Variants in HAS1 observed in about 807,000 individuals in gnomAD.
The protein encoded by HAS1 is HA synthase 1.
Under a neutral mutation model 35.0 loss-of-function variants are expected in HAS1, and 27 were observed. The observed-to-expected ratio is 0.77, with a 90% CI of 0.57 to 1.06. The LOEUF (loss-of-function observed/expected upper bound fraction) is 1.06. Among genes scored for constraint, HAS1 ranks in the 50% least tolerant of loss-of-function variants. The probability of loss-of-function intolerance (pLI) is 0.00; values close to 1 mark genes in which losing one functional copy is unlikely to be tolerated. For synonymous variants in HAS1, 409 were observed against 371.2 expected, an observed-to-expected ratio of 1.10 and a Z score of -1.17; for missense variants, 940 against 814.8, an observed-to-expected ratio of 1.15 and a Z score of -1.87.
At chr19:51,714,139 C>T (rs1489521112) in intron 4 of HAS1, 37 bp from the exon 5 acceptor site, 2 of 1,588,182 alleles carry the variant, frequency 1.3e-6, no homozygotes, top group Non-Finnish European at 1.7e-6. Flanking sequence ...TCATCGCGTG[C>T]TCCCTGGGGC....
chr19:51,717,147 A>G lies in HAS1; in HGVS notation c.746T>C (p.Leu249Pro). 6.2e-7 allele frequency: 1 copy of G among 1,613,902 alleles called. No individual in the cohort carries two copies. The highest frequency in any genetic ancestry group is 1.3e-5 in the African/African-American group (1 of 75,012). ...TRLDPMALLE[L>P]VRVLDEDPRV... Reference sequence around the variant, plus strand: ...GGGGTCCTCGTCCAGTACCCGCACGAGCTCCAGCAGTGCCATGGGGTCCAA... The same window carrying G: ...GGGGTCCTCGTCCAGTACCCGCACGGGCTCCAGCAGTGCCATGGGGTCCAA... The change falls in exon 3 of 5, where the codon CTC becomes CCC. Residue 249 changes from leucine (L) to proline (P), a missense_variant. Physicochemically the swap from Leu to Pro is moderately conservative, Grantham distance 98. Transcript: ENST00000540069.
At position 51,719,387 on chromosome 19, in the gene HAS1, G is replaced by T; in HGVS notation, c.518C>A (p.Ala173Glu). The change falls in exon 2 of 5, where the codon GCG becomes GAG. Residue 173 changes from alanine to glutamate, a missense_variant. Physicochemically the swap from Ala to Glu is moderately radical, Grantham distance 107. Transcript: ENST00000540069. ...GNYHQPWEPA[A>E]AGAVGAGAYR... ...GGCTCCGGCGCCCACCGCGCCCGCCGCCGCGGGTTCCCAGGGCTGGTGGTA... is the reference window on the plus strand; with the variant it reads ...GGCTCCGGCGCCCACCGCGCCCGCCTCCGCGGGTTCCCAGGGCTGGTGGTA... The T allele has an allele frequency of 6.3e-7, 1 of 1,582,002 alleles. No homozygotes were observed. The highest frequency in any genetic ancestry group is 8.6e-7 in the Non-Finnish European group (1 of 1,163,708).
chr19:51,716,030 T>C (rs2122253287), intron 4 of HAS1, among the ~76,000 whole-genome samples: 1 of 152,300 alleles, frequency 6.6e-6, no homozygotes, highest in South Asian at 2.1e-4. Flanking sequence ...TTGTCCCTTA[T>C]AGTATCTTCC....
chr19:51,721,361 A>C (rs1418220377), intron 1 of HAS1, among the ~76,000 whole-genome samples: 1 of 152,172 alleles, frequency 6.6e-6, no homozygotes, highest in South Asian at 2.1e-4. Flanking sequence ...CCAACTCCCC[A>C]GCAGAGCCAG....
At chr19:51,718,981 T>C (rs899864681) in intron 2 of HAS1, among the ~76,000 whole-genome samples, 41 of 152,240 alleles carry the variant, frequency 2.7e-4, no homozygotes, top group African/African-American at 8.4e-4. Context: ...TGCCTCTACA[T>C]TGAATGGGTA....
At chr19:51,721,245 G>C (rs2083629802) in intron 1 of HAS1, among the ~76,000 whole-genome samples, 1 of 151,994 alleles carries the variant, frequency 6.6e-6, no homozygotes, top group African/African-American at 2.4e-5. Flanking sequence ...CCAAACTGAG[G>C]ACTGATTGGC....
chr19:51,714,071 T>C lies in HAS1; in HGVS notation c.1090A>G (p.Thr364Ala). Reference protein sequence around the residue: ...YTSRSRCYSETPSSFLRWLSQ... With the variant: ...YTSRSRCYSEAPSSFLRWLSQ... ...AGCCACCGCAGGAAGGACGAGGGCG[T>C]CTCTGAGTAGCAGCGGGACCTGGAG... The change falls in exon 5 of 5, where the codon ACG (threonine) becomes GCG (alanine). Residue 364 changes from threonine to alanine, a missense_variant. Coordinates refer to ENST00000540069, the MANE Select transcript of HAS1 (RefSeq NM_001297436.2). 2 of 1,613,342 alleles carry C rather than the reference T, an allele frequency of 1.2e-6. No homozygotes were observed. The highest frequency in any genetic ancestry group is 1.7e-6 in the Non-Finnish European group (2 of 1,179,754).
At position 51,719,760 on chromosome 19, in the gene HAS1, G is replaced by C; in HGVS notation, c.145C>G (p.Arg49Gly). 6.4e-7 allele frequency: 1 copy of C among 1,565,958 alleles called. No individual in the cohort carries two copies. The highest frequency in any genetic ancestry group is 8.6e-7 in the Non-Finnish European group (1 of 1,159,994). The part of the protein sequence containing the change: ...YAAGVPLASD[R>G]YGLLAFGLYG... ...AGGCCGAAGGCCAGGAGGCCGTAGC[G>C]ATCGGAGGCCAGCGGCACCCCGGCG... The change falls in exon 2 of 5, where the codon CGC becomes GGC. Residue 49 changes from arginine (R) to glycine (G), a missense_variant. Physicochemically the swap from Arg to Gly is moderately radical, Grantham distance 125 (BLOSUM62 -2). Transcript: ENST00000540069.
chr19:51,715,428 C>A (rs4802850), intron 4 of HAS1, among the ~76,000 whole-genome samples: 2 of 151,906 alleles, frequency 1.3e-5, no homozygotes, highest in African/African-American at 2.4e-5. Context: ...ACTTCACCCC[C>A]AACCCCAAAA....
chr19:51,722,098 G>C (rs1279762561), intron 1 of HAS1, among the ~76,000 whole-genome samples: 2 of 152,142 alleles, frequency 1.3e-5, no homozygotes, highest in Non-Finnish European at 2.9e-5. Context: ...CTGCCTCAAG[G>C]CTTACTGTGG....
chr19:51,721,268 C>A (rs940947651), intron 1 of HAS1, among the ~76,000 whole-genome samples: 36 of 152,126 alleles, frequency 2.4e-4, no homozygotes, highest in African/African-American at 8.7e-4. Flanking sequence ...GAAGGAGTGG[C>A]TTGCACAAGA....
chr19:51,720,858 G>A (rs1005281223), intron 1 of HAS1, among the ~76,000 whole-genome samples: 1 of 152,068 alleles, frequency 6.6e-6, no homozygotes, highest in Non-Finnish European at 1.5e-5. Flanking sequence ...TTAATTACTA[G>A]GGCGTTTCCC....
In HAS1 at chr19:51,719,753, C is replaced by A; in HGVS notation, c.152G>T (p.Gly51Val). 3 of 1,566,138 alleles carry A rather than the reference C, an allele frequency of 1.9e-6. No homozygotes were observed. The highest frequency in any genetic ancestry group is 1.8e-5 in the Admixed American group (1 of 54,090). Residue 51 changes from glycine (G) to valine (V), a missense_variant, in exon 2 of 5, where the codon GGC (glycine) becomes GTC (valine). Gly to Val is a moderately radical substitution (Grantham distance 109). Transcript: ENST00000540069. The stretch of plus-strand genomic sequence containing the variant: ...CCCGTAGAGGCCGAAGGCCAGGAGG[C>A]CGTAGCGATCGGAGGCCAGCGGCAC... The part of the protein sequence containing the change: ...AGVPLASDRY[G>V]LLAFGLYGAF...
rs1007382478 is a variant in HAS1 at position 51,715,653 on chromosome 19, A to G, written c.1058+603T>C. 5.2e-4 allele frequency among the ~76,000 whole-genome samples: 79 copies of G among 152,222 alleles called. 1 individual carries two copies. Among genetic ancestry groups the G allele is most frequent in the Admixed American group, 4.1e-3 (63 of 15,288 alleles). On this transcript the variant is annotated intron_variant, in intron 4 of 4. Transcript: ENST00000540069. ...ATTAATGCATGGATTCCCCTGGATTATCCCAAGTTTCCTCTGGGTATTTCA... is the reference window on the plus strand; with the variant it reads ...ATTAATGCATGGATTCCCCTGGATTGTCCCAAGTTTCCTCTGGGTATTTCA...
Position 51,719,495 on chromosome 19 carries a change from C to T in HAS1, c.410G>A (p.Arg137His), listed in dbSNP as rs202029733. Reference protein sequence around the residue: ...LRVLMVVDGNRAEDLYMVDMF... With the variant: ...LRVLMVVDGNHAEDLYMVDMF... ...GTCGACCATGTAGAGGTCCTCGGCGCGGTTGCCATCCACCACCATGAGGAC... is the reference window on the plus strand; with the variant it reads ...GTCGACCATGTAGAGGTCCTCGGCGTGGTTGCCATCCACCACCATGAGGAC... Residue 137 changes from arginine (R) to histidine (H), a missense_variant, in exon 2 of 5, where the codon CGC becomes CAC. Physicochemically the swap from Arg to His is conservative, Grantham distance 29. Coordinates refer to ENST00000540069, the MANE Select transcript of HAS1 (RefSeq NM_001297436.2). 231 of 1,550,262 alleles carry T rather than the reference C, an allele frequency of 1.5e-4. 1 individual carries two copies. In the African/African-American group the frequency reaches 2.4e-3, roughly 16 times the overall value.
chr19:51,717,210 GC>G lies in HAS1; in HGVS notation c.700-18del. The G allele has an allele frequency of 6.5e-7, 1 of 1,547,930 alleles. No individual in the cohort carries two copies. Among genetic ancestry groups the G allele is most frequent in the Non-Finnish European group, 8.9e-7 (1 of 1,123,458 alleles). ...GTCACAGACCTGTAAGGTGGAAGGG[GC>G]CAGGATCAGCACAGACCCCTGCATC... On this transcript the variant is annotated intron_variant, in intron 2 of 4. Transcript: ENST00000540069.
intron 1 of HAS1, among the ~76,000 whole-genome samples, chr19:51,723,041 T>G (rs1256399963): frequency 2.6e-5 from 4 of 152,208 alleles, no homozygotes; most frequent in Non-Finnish European, 5.9e-5. Flanking sequence ...GCTTCAAACC[T>G]GGCCTTGCCT....
rs1311046227 is a variant in HAS1 at position 51,714,115 on chromosome 19, G to A, written c.1059-13C>T. ...CCTGGAGGTGTACCTGCACGGGGGCGAGGAATGAGGGCATCATCGCGTGCT... is the reference window on the plus strand; with the variant it reads ...CCTGGAGGTGTACCTGCACGGGGGCAAGGAATGAGGGCATCATCGCGTGCT... On this transcript the variant is annotated splice_polypyrimidine_tract_variant and intron_variant, in intron 4 of 4. Coordinates refer to ENST00000540069, the MANE Select transcript of HAS1 (RefSeq NM_001297436.2). 4.4e-6 allele frequency: 7 copies of A among 1,606,970 alleles called. No homozygotes were observed. Among genetic ancestry groups the A allele is most frequent in the African/African-American group, 1.3e-5 (1 of 74,948 alleles).
chr19:51,719,940 G>A, intron 1 of HAS1, 45 bp from the exon 2 acceptor site: 1 of 1,272,196 alleles, frequency 7.9e-7, no homozygotes, highest in Admixed American at 2.4e-5. Context: ...AGTCCCGGGC[G>A]CATGAGCCTC....
Sources: allele counts gnomAD v4.1 joint callset (sites outside exome capture counted in the v4.1 genomes callset), GRCh38; gene constraint gnomAD v4.1.1; transcripts MANE v1.5; gene names NCBI Gene and HGNC (gene_info 2026-07-23, HGNC 2026-07-21).